MGAT4C: variants seen among roughly 807,000 people sequenced by gnomAD.
MGAT4C encodes MGAT4 family member C.
In MGAT4C, 19 loss-of-function variants were observed where a neutral mutation model predicts 40.1. That is an observed-to-expected ratio of 0.47 (90% confidence interval 0.33 to 0.70). MGAT4C has a LOEUF of 0.70. Ranked by LOEUF, MGAT4C falls within the 30% of genes least tolerant of loss-of-function variation. The pLI, the probability that MGAT4C is intolerant of heterozygous loss-of-function variation, is 0.02. For synonymous variants in MGAT4C, 181 were observed against 187.1 expected (o/e 0.97, Z 0.27); for missense variants, 491 against 563.2 (o/e 0.87, Z 1.30).
At chr12:86,325,704 C>A (rs1954510173) in intron 4 of MGAT4C, among the ~76,000 whole-genome samples, 1 of 151,956 alleles carries the variant, frequency 6.6e-6, no homozygotes, top group African/African-American at 2.4e-5. Context: ...ATGTCAAAGC[C>A]CTATCTCTAC....
chr12:86,594,470 T>C (rs1240053550), intron 2 of MGAT4C, among the ~76,000 whole-genome samples: 6 of 152,186 alleles, frequency 3.9e-5, no homozygotes, highest in East Asian at 1.9e-4. Context: ...CAGGCTATCA[T>C]GCTAAAAGTG....
chr12:86,315,307 C>T (rs1034797714), intron 4 of MGAT4C, among the ~76,000 whole-genome samples: 2 of 152,066 alleles, frequency 1.3e-5, no homozygotes, highest in Non-Finnish European at 2.9e-5. Flanking sequence ...AGCTGGCTAG[C>T]CATGTGCAGA....
chr12:86,502,809 CTG>C (rs1958378652), intron 2 of MGAT4C, among the ~76,000 whole-genome samples: 1 of 116,836 alleles, frequency 8.6e-6, no homozygotes, highest in Non-Finnish European at 1.8e-5. Flanking sequence ...TACACGAGTT[CTG>C]CTCATATATA....
At chr12:86,298,895 A>T (rs1953744259) in intron 4 of MGAT4C, among the ~76,000 whole-genome samples, 1 of 152,076 alleles carries the variant, frequency 6.6e-6, no homozygotes, top group South Asian at 2.1e-4. Flanking sequence ...ATTGAATTTA[A>T]ATTTATTTAT....
intron 1 of MGAT4C, among the ~76,000 whole-genome samples, chr12:86,129,026 C>T (rs1268409416): frequency 1.3e-5 from 2 of 152,018 alleles, no homozygotes; most frequent in Non-Finnish European, 2.9e-5. Context: ...TTCCATTGGT[C>T]TATGTGCCTA....
chr12:86,024,122 C>T (rs1002278997), intron 2 of MGAT4C, among the ~76,000 whole-genome samples: 1 of 151,746 alleles, frequency 6.6e-6, no homozygotes, highest in Non-Finnish European at 1.5e-5. Flanking sequence ...TTATACCTTT[C>T]TATATTTTGT....
intron 2 of MGAT4C, among the ~76,000 whole-genome samples, chr12:86,508,208 C>A (rs1209176559): frequency 1.3e-5 from 2 of 152,076 alleles, no homozygotes; most frequent in Non-Finnish European, 2.9e-5. Context: ...TCCCTCCCCC[C>A]TTCCCCCACC....
At chr12:86,138,590 T>C (rs897663533) in intron 1 of MGAT4C, among the ~76,000 whole-genome samples, 2 of 146,274 alleles carry the variant, frequency 1.4e-5, no homozygotes, top group Admixed American at 6.9e-5. Flanking sequence ...TATATATATT[T>C]CCATATATAT....
chr12:86,593,830 T>C (rs1440722832), intron 2 of MGAT4C, among the ~76,000 whole-genome samples: 2 of 152,126 alleles, frequency 1.3e-5, no homozygotes, highest in South Asian at 4.1e-4. Flanking sequence ...ATGTAGTTGG[T>C]AGGGATTTAG....
intron 2 of MGAT4C, among the ~76,000 whole-genome samples, chr12:86,558,188 G>A (rs891489869): frequency 5.3e-5 from 8 of 151,984 alleles, no homozygotes; most frequent in African/African-American, 1.7e-4. Flanking sequence ...GAAAGATGAA[G>A]CCTGCTTATA....
chr12:85,972,064 C>A lies in MGAT4C; in HGVS notation c.*7225G>T, dbSNP rs566269577. ...GAAAATATCCCCAACCATTACATTA[C>A]AGACAATTCATATATATGTCTTGAA... On this transcript the variant is annotated 3_prime_UTR_variant, in exon 5 of 5. Coordinates refer to ENST00000611864, the MANE Select transcript of MGAT4C (RefSeq NM_001351288.2). 1 of 151,242 alleles carries A rather than the reference C, an allele frequency of 6.6e-6. No individual in the cohort carries two copies. The highest frequency in any genetic ancestry group is 1.9e-4 in the East Asian group (1 of 5,174). 9.4% of individuals were successfully genotyped at this position (151,242 alleles called of 1,614,324 possible).
At chr12:86,075,843 C>A (rs1296007945) in intron 1 of MGAT4C, among the ~76,000 whole-genome samples, 2 of 152,222 alleles carry the variant, frequency 1.3e-5, no homozygotes, top group Non-Finnish European at 2.9e-5. Flanking sequence ...ACAAAACCTT[C>A]TTTTCCTCCT....
chr12:86,511,901 C>T (rs1389010836), intron 2 of MGAT4C, among the ~76,000 whole-genome samples: 1 of 152,014 alleles, frequency 6.6e-6, no homozygotes, highest in Admixed American at 6.6e-5. Flanking sequence ...AGTGGGGCTA[C>T]ATCAAACTAA....
chr12:86,281,396 G>A (rs1286079575), intron 4 of MGAT4C, among the ~76,000 whole-genome samples: 2 of 149,794 alleles, frequency 1.3e-5, no homozygotes, highest in African/African-American at 4.9e-5. Flanking sequence ...TATCCATTTT[G>A]TTTCCCTATA....
intron 2 of MGAT4C, among the ~76,000 whole-genome samples, chr12:86,649,526 G>A (rs1352790499): frequency 2.0e-5 from 3 of 151,690 alleles, no homozygotes; most frequent in African/African-American, 4.8e-5. Flanking sequence ...CGTTCTTTAT[G>A]CAGATATAAA....
chr12:86,604,775 A>T (rs765956054), intron 2 of MGAT4C, among the ~76,000 whole-genome samples: 5 of 152,164 alleles, frequency 3.3e-5, no homozygotes, highest in African/African-American at 4.8e-5. Context: ...AACAAAAGAA[A>T]CACATAAAAT....
intron 1 of MGAT4C, among the ~76,000 whole-genome samples, chr12:86,741,745 C>A (rs1052928173): frequency 2.0e-5 from 3 of 151,292 alleles, no homozygotes; most frequent in African/African-American, 7.3e-5. Context: ...TTATTCCTAC[C>A]CAACTGCCTG....
chr12:86,274,958 G>A (rs1953035065), intron 4 of MGAT4C, among the ~76,000 whole-genome samples: 1 of 152,210 alleles, frequency 6.6e-6, no homozygotes, highest in Non-Finnish European at 1.5e-5. Context: ...AAGATTGGCT[G>A]AAGGGTAGTC....
intron 1 of MGAT4C, among the ~76,000 whole-genome samples, chr12:86,735,604 TTGAA>T (rs1950973315): frequency 1.3e-5 from 2 of 151,890 alleles, no homozygotes; most frequent in South Asian, 2.1e-4. Flanking sequence ...TGTCATTTCT[TTGAA>T]TGGGCTGCCT....
Sources: allele counts gnomAD v4.1 joint callset (sites outside exome capture counted in the v4.1 genomes callset), GRCh38; gene constraint gnomAD v4.1.1; transcripts MANE v1.5; gene names NCBI Gene and HGNC (gene_info 2026-07-23, HGNC 2026-07-21).